The following THSD7B variants were observed in gnomAD, a reference collection of about 807,000 sequenced individuals.
THSD7B encodes the protein thrombospondin type 1 domain containing 7B.
In THSD7B, 138 loss-of-function variants were observed where a neutral mutation model predicts 213.6. That is an observed-to-expected ratio of 0.65 (90% CI 0.56 to 0.74). The LOEUF (loss-of-function observed/expected upper bound fraction) is 0.74, where lower values mean the gene tolerates loss of function less well. Ranked by LOEUF, THSD7B falls within the 30% of genes least tolerant of loss-of-function variation. The pLI, the probability that THSD7B is intolerant of heterozygous loss-of-function variation, is 0.00. For missense variants in THSD7B, 1,931 were observed against 1,991.5 expected (o/e 0.97, Z 0.58); for synonymous variants, 742 against 687.0 (o/e 1.08, Z -1.25).
At chr2:137,637,585 A>G (rs186838434) in intron 20 of THSD7B, among the ~76,000 whole-genome samples, 21 of 152,346 alleles carry the variant, frequency 1.4e-4, no homozygotes, top group Admixed American at 3.9e-4. Flanking sequence ...TTTGGATACC[A>G]AAAGCAAGAG....
intron 12 of THSD7B, among the ~76,000 whole-genome samples, chr2:137,278,328 T>C (rs1682918911): frequency 6.6e-6 from 1 of 152,174 alleles, no homozygotes; most frequent in African/African-American, 2.4e-5. Flanking sequence ...CCCAGAGTTT[T>C]TGAATAAGAT....
chr2:137,656,719 G>A (rs940559883), intron 22 of THSD7B, 77 bp from the exon 23 acceptor site: 1 of 1,416,536 alleles, frequency 7.1e-7, no homozygotes, highest in Non-Finnish European at 9.5e-7. Context: ...ATCTCTGTGT[G>A]AGCCCTGCCC....
intron 12 of THSD7B, among the ~76,000 whole-genome samples, chr2:137,403,623 C>A (rs1288886961): frequency 6.6e-6 from 1 of 152,138 alleles, no homozygotes; most frequent in African/African-American, 2.4e-5. Context: ...ACAGGGTAGA[C>A]CAGAATTATG....
At chr2:136,938,472 C>T (rs922252322) in intron 2 of THSD7B, among the ~76,000 whole-genome samples, 30 of 152,146 alleles carry the variant, frequency 2.0e-4, no homozygotes, top group African/African-American at 7.0e-4. Flanking sequence ...TTCTGTTTCC[C>T]ATTTCTCCCC....
chr2:136,859,534 G>T (rs566806024), intron 1 of THSD7B, among the ~76,000 whole-genome samples: 30 of 152,278 alleles, frequency 2.0e-4, no homozygotes, highest in Admixed American at 2.0e-3. Context: ...GAGAGTAGAA[G>T]AATTTACAAA....
intron 15 of THSD7B, among the ~76,000 whole-genome samples, chr2:137,536,356 G>C (rs939524247): frequency 6.6e-6 from 1 of 151,422 alleles, no homozygotes; most frequent in Admixed American, 6.6e-5. Flanking sequence ...GGAAGTTTAG[G>C]GTTAAAGAGA....
At chr2:137,070,971 A>G (rs967319546) in intron 3 of THSD7B, among the ~76,000 whole-genome samples, 2 of 152,202 alleles carry the variant, frequency 1.3e-5, no homozygotes, top group Admixed American at 6.5e-5. Context: ...GTTGTTGGAC[A>G]TTTAGGTTAG....
At chr2:136,851,449 T>A (rs2104963745) in intron 1 of THSD7B, among the ~76,000 whole-genome samples, 1 of 152,316 alleles carries the variant, frequency 6.6e-6, no homozygotes, top group Middle Eastern at 3.4e-3. Flanking sequence ...CTGATTTATT[T>A]AAAGTTTTCT....
chr2:136,983,376 C>CACACACACACAT (rs1685619720), intron 2 of THSD7B, among the ~76,000 whole-genome samples: 1 of 150,390 alleles, frequency 6.6e-6, no homozygotes, highest in African/African-American at 2.5e-5. Context: ...CACACGCACA[C>CACACACACACAT]ACACTCACTC....
intron 15 of THSD7B, among the ~76,000 whole-genome samples, chr2:137,513,392 T>C (rs1384959973): frequency 6.6e-6 from 1 of 152,066 alleles, no homozygotes; most frequent in Non-Finnish European, 1.5e-5. Flanking sequence ...TTGGAGAGAG[T>C]AGAATTCAGT....
At chr2:137,509,095 A>G (rs1573673785) in intron 15 of THSD7B, among the ~76,000 whole-genome samples, 1 of 152,144 alleles carries the variant, frequency 6.6e-6, no homozygotes, top group Admixed American at 6.5e-5. Flanking sequence ...TCTTTTTCAG[A>G]ATCATATGAA....
In THSD7B at chr2:137,616,216, G is replaced by T; in HGVS notation, c.3465G>T (p.Leu1155=). ...CAATGCAGAGAAGAACTCGCCACCT[G>T]CTAAGACCATCACTGAACTCAAGGA... ...PHTMQRRTRH[L]LRPSLNSRTC... Residue 1155 remains leucine (L), a synonymous_variant, in exon 18 of 28, where the codon CTG becomes CTT. Coordinates refer to ENST00000409968, the MANE Select transcript of THSD7B (RefSeq NM_001316349.2). 2 of 1,613,764 alleles carry T rather than the reference G, an allele frequency of 1.2e-6. No homozygotes were observed. The highest frequency in any genetic ancestry group is 1.7e-6 in the Non-Finnish European group (2 of 1,179,764).
At chr2:136,924,953 AT>A (rs1684498136) in intron 2 of THSD7B, among the ~76,000 whole-genome samples, 1 of 151,822 alleles carries the variant, frequency 6.6e-6, no homozygotes. Context: ...TGTTTTCTTA[AT>A]TTCATTTTTG....
rs1371327747 is a variant in THSD7B, at chr2:137,496,065, CAG to C, written c.3138+45045_3138+45046del. 2.6e-5 allele frequency among the ~76,000 whole-genome samples: 4 copies of C among 152,204 alleles called. No individual in the cohort carries two copies. The East Asian group carries it at 5.8e-4, about 22-fold the overall frequency. ...TTTTAAAATAGCATGGGCTCCAAAT[CAG>C]AGTCACAAAAATTTAAGAGAGAAAA... On this transcript the variant is annotated intron_variant, in intron 15 of 27. Coordinates refer to ENST00000409968, the MANE Select transcript of THSD7B (RefSeq NM_001316349.2).
chr2:137,196,143 T>C (rs920626052), intron 7 of THSD7B, among the ~76,000 whole-genome samples: 4 of 152,168 alleles, frequency 2.6e-5, no homozygotes, highest in African/African-American at 9.7e-5. Flanking sequence ...CAAGAAATAG[T>C]GTTCATTTAT....
rs559569754 is a variant in THSD7B at position 137,301,099 on chromosome 2, C to T, written c.2500+25073C>T. On this transcript the variant is annotated intron_variant, in intron 12 of 27. Transcript: ENST00000409968. ...ATCCATAAAGCAATATAAAAACCTGCCTCCCACTGGCTCTTTAAAACAAAA... is the reference window on the plus strand; with the variant it reads ...ATCCATAAAGCAATATAAAAACCTGTCTCCCACTGGCTCTTTAAAACAAAA... Among the ~76,000 whole-genome samples, 3 of 152,168 alleles carry T rather than the reference C, an allele frequency of 2.0e-5. No homozygotes were observed. The East Asian group carries it at 5.8e-4, about 29-fold the overall frequency.
intron 2 of THSD7B, among the ~76,000 whole-genome samples, chr2:136,925,627 A>G (rs1684510526): frequency 6.6e-6 from 1 of 152,140 alleles, no homozygotes; most frequent in African/African-American, 2.4e-5. Context: ...ATTGGTCTAT[A>G]GTTTTCTTTT....
chr2:137,425,807 T>A (rs1410343666), intron 14 of THSD7B, among the ~76,000 whole-genome samples: 1 of 152,128 alleles, frequency 6.6e-6, no homozygotes, highest in African/African-American at 2.4e-5. Flanking sequence ...TTGCCACTTC[T>A]ACTTAACATA....
intron 17 of THSD7B, among the ~76,000 whole-genome samples, chr2:137,586,741 CA>C (rs1681738508): frequency 6.6e-6 from 1 of 152,184 alleles, no homozygotes. Context: ...GTGGGTAACC[CA>C]ACCTTTCTCT....
Sources: allele counts gnomAD v4.1 joint callset (sites outside exome capture counted in the v4.1 genomes callset), GRCh38; gene constraint gnomAD v4.1.1; transcripts MANE v1.5; gene names NCBI Gene and HGNC (gene_info 2026-07-23, HGNC 2026-07-21).